Variants in SMAD2 observed in about 807,000 individuals in gnomAD.
The protein encoded by SMAD2 is SMAD family member 2, also known as MAD homolog 2.
Under a neutral mutation model 64.4 loss-of-function variants are expected in SMAD2, and 8 were observed. The ratio of observed to expected loss-of-function variants is 0.12; its 90% CI spans 0.07 to 0.22. SMAD2 has a LOEUF of 0.22. Ranked by LOEUF, SMAD2 falls within the 10% of genes least tolerant of loss-of-function variation. The probability of loss-of-function intolerance (pLI) is 1.00; values close to 1 mark genes in which losing one functional copy is unlikely to be tolerated. For synonymous variants in SMAD2, 203 were observed against 195.8 expected, an observed-to-expected ratio of 1.04 and a Z score of -0.31; for missense variants, 289 against 561.2, an observed-to-expected ratio of 0.51 and a Z score of 4.90.
At chr18:47,859,137 G>A (rs777849585) in intron 6 of SMAD2, among the ~76,000 whole-genome samples, 15 of 152,088 alleles carry the variant, frequency 9.9e-5, no homozygotes, top group Non-Finnish European at 2.1e-4. Context: ...AATTAATTTG[G>A]AAGATGTATA....
chr18:47,871,094 T>C (rs1047587287), intron 2 of SMAD2, among the ~76,000 whole-genome samples: 1 of 152,166 alleles, frequency 6.6e-6, no homozygotes, highest in African/African-American at 2.4e-5. Context: ...GAAATAGACT[T>C]TGAAGTCATT....
intron 10 of SMAD2, 146 bp downstream of exon 10, chr18:47,845,194 G>T (rs774241762): frequency 4.9e-6 from 4 of 809,002 alleles, no homozygotes; most frequent in Non-Finnish European, 8.4e-6. Context: ...TTTTGAATTT[G>T]GAGGCCTCCA....
At chr18:47,926,734 C>A (rs1226517912) in intron 1 of SMAD2, among the ~76,000 whole-genome samples, 1 of 152,188 alleles carries the variant, frequency 6.6e-6, no homozygotes, top group Non-Finnish European at 1.5e-5. Context: ...TTCTCAAATA[C>A]ATTTTACAAT....
chr18:47,868,646 T>C (rs573111368), intron 4 of SMAD2, among the ~76,000 whole-genome samples, 189 bp from the exon 5 acceptor site: 87 of 152,292 alleles, frequency 5.7e-4, no homozygotes, highest in African/African-American at 2.1e-3. Context: ...TAGTCTATTA[T>C]CCAAATTTCC....
At chr18:47,892,965 C>T (rs1191551943) in intron 2 of SMAD2, among the ~76,000 whole-genome samples, 1 of 151,992 alleles carries the variant, frequency 6.6e-6, no homozygotes, top group Non-Finnish European at 1.5e-5. Flanking sequence ...CCTCCATCCC[C>T]ACTGCAATTT....
rs920870418 is a variant in SMAD2, at chr18:47,840,311, A to G, written c.*1516T>C. ...CCAGGAGTGGTTATTTTCCATTTCT[A>G]CTAAGATGCAAACAAGAAGAAATGT... On this transcript the variant is annotated 3_prime_UTR_variant, in exon 11 of 11. Transcript: ENST00000262160. 1.3e-5 allele frequency: 3 copies of G among 232,948 alleles called. No individual in the cohort carries two copies. Among genetic ancestry groups the G allele is most frequent in the African/African-American group, 4.4e-5 (2 of 45,466 alleles). 14.4% of individuals were successfully genotyped at this position (232,948 alleles called of 1,614,324 possible).
intron 1 of SMAD2, among the ~76,000 whole-genome samples, chr18:47,904,610 C>T (rs1300667981): frequency 6.6e-6 from 1 of 152,100 alleles, no homozygotes; most frequent in Non-Finnish European, 1.5e-5. Flanking sequence ...AGGTCTGTTA[C>T]TACTAGATGC....
At chr18:47,878,872 G>T (rs545424295) in intron 2 of SMAD2, among the ~76,000 whole-genome samples, 1 of 152,172 alleles carries the variant, frequency 6.6e-6, no homozygotes, top group Admixed American at 6.5e-5. Flanking sequence ...GCTCTCTCAT[G>T]TATCTACTTA....
At chr18:47,851,563 C>T (rs1289152364) in intron 6 of SMAD2, among the ~76,000 whole-genome samples, 1 of 152,076 alleles carries the variant, frequency 6.6e-6, no homozygotes, top group Non-Finnish European at 1.5e-5. Flanking sequence ...CCCAACAGTT[C>T]ATCTTCCCAA....
At chr18:47,857,003 G>A (rs911596879) in intron 6 of SMAD2, among the ~76,000 whole-genome samples, 6 of 150,540 alleles carry the variant, frequency 4.0e-5, no homozygotes, top group Non-Finnish European at 7.4e-5. Flanking sequence ...GACTACAGGC[G>A]CCCGCCACTA....
intron 6 of SMAD2, among the ~76,000 whole-genome samples, chr18:47,852,524 T>G (rs531793906): frequency 6.6e-6 from 1 of 152,346 alleles, no homozygotes; most frequent in South Asian, 2.1e-4. Flanking sequence ...TAAGGCTCTG[T>G]GGTCAATGTT....
In SMAD2 at chr18:47,840,938, T is replaced by C. The variant is rs1169439448; in HGVS notation, c.*889A>G. The C allele has an allele frequency of 4.3e-6, 1 of 232,434 alleles. No individual in the cohort carries two copies. The highest frequency in any genetic ancestry group is 8.5e-6 in the Non-Finnish European group (1 of 117,544). 14.4% of individuals were successfully genotyped at this position (232,434 alleles called of 1,614,324 possible). On this transcript the variant is annotated 3_prime_UTR_variant, in exon 11 of 11. Transcript: ENST00000262160. ...AGATTATACAAGCCAATTATTCCTGTTGAAATTTGGGCATAAGACAAAGGG... is the reference window on the plus strand; with the variant it reads ...AGATTATACAAGCCAATTATTCCTGCTGAAATTTGGGCATAAGACAAAGGG...
intron 4 of SMAD2, 88 bp downstream of exon 4, chr18:47,869,153 TAA>T: frequency 1.1e-6 from 1 of 920,054 alleles, no homozygotes; most frequent in Non-Finnish European, 1.7e-6. Context: ...GAATTTACAC[TAA>T]AATTTTCCTG....
At position 47,811,434 on chromosome 18, in the gene SMAD2, C is replaced by T. The variant is rs1478439539; in HGVS notation, c.*30393G>A. 7.1e-6 allele frequency: 1 copy of T among 140,848 alleles called. No individual in the cohort carries two copies. Among genetic ancestry groups the T allele is most frequent in the Admixed American group, 7.6e-5 (1 of 13,212 alleles). The allele number at this position is 140,848 out of a possible 1,614,324, so 8.7% of individuals were successfully genotyped here. ...GCAGTGAGCTGAGATTGTGCCACTG[C>T]ACTCCAGCCTGGGCGACAGAGCGAG... is the stretch of plus-strand genomic sequence containing the variant. On this transcript the variant is annotated 3_prime_UTR_variant, in exon 11 of 11. Coordinates refer to ENST00000262160, the MANE Select transcript of SMAD2 (RefSeq NM_005901.6).
intron 1 of SMAD2, among the ~76,000 whole-genome samples, chr18:47,900,522 T>C (rs2033642095): frequency 6.6e-6 from 1 of 152,190 alleles, no homozygotes; most frequent in Non-Finnish European, 1.5e-5. Flanking sequence ...TTTATCAGTT[T>C]TGCTAAGTGG....
Position 47,810,540 on chromosome 18 carries a change from T to C in SMAD2, c.*31287A>G, listed in dbSNP as rs1003762119. ...TGGCACCTGTGACAGCAAATCAAGG[T>C]CCTCCCAAATAAAAAGTATCTTTTT... On this transcript the variant is annotated 3_prime_UTR_variant, in exon 11 of 11. Transcript: ENST00000262160. 2.0e-5 allele frequency: 3 copies of C among 151,964 alleles called. No individual in the cohort carries two copies. Among genetic ancestry groups the C allele is most frequent in the African/African-American group, 7.3e-5 (3 of 41,340 alleles). The allele number at this position is 151,964 out of a possible 1,614,324, so 9.4% of individuals were successfully genotyped here.
rs547397081 is a variant in SMAD2, at chr18:47,919,246, G to A, written c.-54+11115C>T. ...CTAGACTTATGTTAGCCAGAACAAA[G>A]GCATTTTCAGACATGCAACATCTCC... On this transcript the variant is annotated intron_variant, in intron 1 of 10. Coordinates refer to ENST00000262160, the MANE Select transcript of SMAD2 (RefSeq NM_005901.6). Among the ~76,000 whole-genome samples the A allele has an allele frequency of 1.3e-3, 199 of 151,952 alleles. 1 individual carries two copies. Among genetic ancestry groups the A allele is most frequent in the African/African-American group, 4.4e-3 (184 of 41,416 alleles).
At position 47,813,549 on chromosome 18, in the gene SMAD2, G is replaced by A. The variant is rs1419641932; in HGVS notation, c.*28278C>T. Reference sequence around the variant, plus strand: ...AGCCTCCCGAGTAGCTGGGATTACAGGCACACACCACCACACCCGGCTAAT... The same window carrying A: ...AGCCTCCCGAGTAGCTGGGATTACAAGCACACACCACCACACCCGGCTAAT... On this transcript the variant is annotated 3_prime_UTR_variant, in exon 11 of 11. Transcript: ENST00000262160. 2.0e-5 allele frequency: 3 copies of A among 151,634 alleles called. No homozygotes were observed. The highest frequency in any genetic ancestry group is 7.3e-5 in the African/African-American group (3 of 41,188). The allele number at this position is 151,634 out of a possible 1,614,324, so 9.4% of individuals were successfully genotyped here.
chr18:47,918,730 T>C (rs112295245), intron 1 of SMAD2, among the ~76,000 whole-genome samples: 9 of 117,600 alleles, frequency 7.7e-5, no homozygotes, highest in African/African-American at 2.7e-4. Flanking sequence ...TTAACAGCTC[T>C]TGCATAGCTT....
Sources: gnomAD v4.1 joint callset for allele counts (sites outside exome capture counted in the v4.1 genomes callset) on GRCh38, gnomAD v4.1.1 for gene constraint, MANE v1.5 for transcripts, NCBI Gene and HGNC (gene_info 2026-07-23, HGNC 2026-07-21) for gene names.